GIGYF2: variants seen among roughly 807,000 people sequenced by gnomAD.
GIGYF2 encodes the protein GRB10 interacting GYF protein 2.
In GIGYF2, 25 loss-of-function variants were observed where a neutral mutation model predicts 208.1. The ratio of observed to expected loss-of-function variants is 0.12; its 90% CI spans 0.09 to 0.17. The LOEUF (loss-of-function observed/expected upper bound fraction) is 0.17, where lower values mean the gene tolerates loss of function less well. Ranked by LOEUF, GIGYF2 falls within the 10% of genes least tolerant of loss-of-function variation. The pLI is 1.00. For missense variants in GIGYF2, 1,302 were observed against 1,579.4 expected (o/e 0.82, Z 2.98); for synonymous variants, 534 against 543.8 (o/e 0.98, Z 0.25).
At position 232,716,981 on chromosome 2, in the gene GIGYF2, G is replaced by T. The variant is rs1191388493; in HGVS notation, c.-44+13492G>T. ...CCACCACACCTAGCTAATTTTTGTTGTTTTTTTTTTTTTGTAGTGATGGGG... is the reference window on the plus strand; with the variant it reads ...CCACCACACCTAGCTAATTTTTGTTTTTTTTTTTTTTTTGTAGTGATGGGG... On this transcript the variant is annotated intron_variant, in intron 2 of 28. Transcript: ENST00000373563. Among the ~76,000 whole-genome samples the T allele has an allele frequency of 4.9e-3, 690 of 139,816 alleles. 9 individuals are homozygous for T. Among genetic ancestry groups the T allele is most frequent in the African/African-American group, 0.017 (668 of 38,272 alleles). The allele number at this position is 139,816 out of a possible 152,430, so 91.7% of individuals were successfully genotyped here.
At chr2:232,745,272 C>G (rs11892326) in intron 3 of GIGYF2, among the ~76,000 whole-genome samples, 20,305 of 151,984 alleles carry the variant, frequency 0.13, 1,855 homozygotes, top group East Asian at 0.41. Context: ...TGTGGTATTT[C>G]TATAAATGAA....
chr2:232,835,623 CTTGT>C (rs1332720190), intron 22 of GIGYF2, among the ~76,000 whole-genome samples: 1 of 152,092 alleles, frequency 6.6e-6, no homozygotes. Context: ...GATTTTCTTA[CTTGT>C]TTGTTTATTT....
rs987852253 is a variant in GIGYF2 at position 232,823,574 on chromosome 2, T to C, written c.2529+3589T>C. ...CTTGCTGTGTTGCTCAGGCTGGTCT[T>C]GAATTCCTGGACTCAAGCAGTTTTC... On this transcript the variant is annotated intron_variant, in intron 21 of 28. Coordinates refer to ENST00000373563, the MANE Select transcript of GIGYF2 (RefSeq NM_001103146.3). 2.6e-5 allele frequency among the ~76,000 whole-genome samples: 4 copies of C among 152,126 alleles called. No homozygotes were observed. In the East Asian group the frequency reaches 7.7e-4, roughly 29 times the overall value.
intron 6 of GIGYF2, chr2:232,760,253 T>G: frequency 6.2e-6 from 3 of 486,202 alleles, no homozygotes; most frequent in Non-Finnish European, 1.1e-5. Context: ...GTCTATTGCA[T>G]TATATTATGT....
At chr2:232,827,527 A>G (rs143401850) in intron 21 of GIGYF2, among the ~76,000 whole-genome samples, 99 of 152,328 alleles carry the variant, frequency 6.5e-4, no homozygotes, top group African/African-American at 2.0e-3. Context: ...GTCAAATTCA[A>G]TGGCACAATT....
chr2:232,734,379 A>G (rs1460641863), intron 2 of GIGYF2: 1 of 152,156 alleles, frequency 6.6e-6, no homozygotes, highest in African/African-American at 2.4e-5. Context: ...GGCATGTACC[A>G]CCATGCCCAG....
intron 8 of GIGYF2, among the ~76,000 whole-genome samples, chr2:232,777,492 G>A (rs1374667874): frequency 2.0e-5 from 3 of 152,118 alleles, no homozygotes; most frequent in Non-Finnish European, 4.4e-5. Flanking sequence ...AAGAGGATCT[G>A]AGAAACAAAG....
intron 8 of GIGYF2, 106 bp downstream of exon 8, chr2:232,761,542 C>T: frequency 4.2e-6 from 3 of 710,824 alleles, no homozygotes; most frequent in Non-Finnish European, 7.7e-6. Context: ...ATTTAAACTT[C>T]CACGGTTATT....
In GIGYF2 at chr2:232,788,708, ATCT is replaced by A. The variant is rs1474929970; in HGVS notation, c.712+1386_712+1388del. 690 of 301,134 alleles carry A rather than the reference ATCT, an allele frequency of 2.3e-3. 2 individuals carry two copies. The highest frequency in any genetic ancestry group is 3.9e-4 in the Non-Finnish European group (54 of 138,806). The allele number at this position is 301,134 out of a possible 1,614,324, so 18.7% of individuals were successfully genotyped here. On this transcript the variant is annotated intron_variant, in intron 9 of 28. Transcript: ENST00000373563. The stretch of plus-strand genomic sequence containing the variant: ...ACAACTTAGAATTTGGTTATATATT[ATCT>A]TCTTCTCATCTTTTCTGAATCTTTC...
chr2:232,730,797 C>T (rs1304082338), intron 2 of GIGYF2, among the ~76,000 whole-genome samples: 6 of 138,894 alleles, frequency 4.3e-5, no homozygotes, highest in African/African-American at 1.6e-4. Flanking sequence ...ACTTGGGAGG[C>T]TGAGGCAGGA....
intron 8 of GIGYF2, among the ~76,000 whole-genome samples, chr2:232,770,042 T>C (rs1459241374): frequency 6.6e-6 from 1 of 152,096 alleles, no homozygotes; most frequent in Non-Finnish European, 1.5e-5. Context: ...GAGATACAAG[T>C]TTTTCCCATA....
At chr2:232,846,547 A>G (rs1176472207) in intron 26 of GIGYF2, among the ~76,000 whole-genome samples, 1 of 152,208 alleles carries the variant, frequency 6.6e-6, no homozygotes, top group Non-Finnish European at 1.5e-5. Flanking sequence ...GAAACTGTGA[A>G]AAATAGCAGT....
chr2:232,757,575 A>G (rs764373494), intron 6 of GIGYF2, among the ~76,000 whole-genome samples: 5 of 152,060 alleles, frequency 3.3e-5, no homozygotes, highest in Non-Finnish European at 7.4e-5. Flanking sequence ...GGGACTGACC[A>G]CTTATGGCTC....
At chr2:232,733,651 A>G (rs747075613) in intron 2 of GIGYF2, among the ~76,000 whole-genome samples, 1 of 152,186 alleles carries the variant, frequency 6.6e-6, no homozygotes, top group Non-Finnish European at 1.5e-5. Flanking sequence ...ATGGGGATTC[A>G]TTCTAGGATG....
rs377029654 is a variant in GIGYF2, at chr2:232,817,032, G to C, written c.2370G>C (p.Gln790His). The C allele has an allele frequency of 6.2e-7, 1 of 1,608,962 alleles. No homozygotes were observed. Among genetic ancestry groups the C allele is most frequent in the South Asian group, 1.1e-5 (1 of 90,988 alleles). Residue 790 changes from glutamine (Q) to histidine (H), a missense_variant and splice_region_variant, in exon 20 of 29, where the codon CAG becomes CAC. Around this residue, in one of 8 missense-constraint regions of GIGYF2, gnomAD observed 701 missense variants for 793.0 expected, o/e 0.88. Coordinates refer to ENST00000373563, the MANE Select transcript of GIGYF2 (RefSeq NM_001103146.3). ...REEEELARRK[Q>H]EEALRRQREQ... ...AAGAAGAACTTGCCCGAAGGAAACA[G>C]GTATGTATCTGGGAACTCTGACCAT...
chr2:232,856,759 G>A (rs1243992510), intron 28 of GIGYF2, 34 bp from the exon 29 acceptor site: 5 of 1,427,272 alleles, frequency 3.5e-6, no homozygotes, highest in African/African-American at 1.4e-5. Context: ...GGTTGCCTGG[G>A]TGTGGTCACT....
chr2:232,799,717 A>G (rs1700334348), intron 14 of GIGYF2, among the ~76,000 whole-genome samples: 1 of 152,010 alleles, frequency 6.6e-6, no homozygotes, highest in Non-Finnish European at 1.5e-5. Flanking sequence ...CTACCATACT[A>G]TTTTCCACAG....
At chr2:232,840,909 G>A (rs993882127) in intron 23 of GIGYF2, among the ~76,000 whole-genome samples, 1 of 152,128 alleles carries the variant, frequency 6.6e-6, no homozygotes, top group Non-Finnish European at 1.5e-5. Flanking sequence ...TGTCATTTTT[G>A]GATCTGGGTC....
chr2:232,728,432 T>C (rs113390285), intron 2 of GIGYF2, among the ~76,000 whole-genome samples: 27 of 152,282 alleles, frequency 1.8e-4, no homozygotes, highest in African/African-American at 5.5e-4. Flanking sequence ...TGGACTATAA[T>C]GAAAGAGGAA....
Sources: allele counts gnomAD v4.1 joint callset (sites outside exome capture counted in the v4.1 genomes callset), GRCh38; gene constraint gnomAD v4.1.1; regional missense constraint gnomAD v4.1.1; transcripts MANE v1.5; gene names NCBI Gene and HGNC (gene_info 2026-07-23, HGNC 2026-07-21).